NPSR1: variants seen among roughly 807,000 people sequenced by gnomAD.
The protein encoded by NPSR1 is neuropeptide S receptor 1.
A neutral mutation model predicts 46.9 loss-of-function variants in NPSR1; 48 were observed. The observed-to-expected ratio is 1.02, with a 90% confidence interval of 0.81 to 1.30. The LOEUF is 1.30. Among genes scored for constraint, NPSR1 ranks in the 50% most tolerant of loss-of-function variants. The pLI is 0.00. For synonymous variants in NPSR1, 176 were observed against 168.1 expected (o/e 1.05, Z -0.36); for missense variants, 450 against 449.5 (o/e 1.00, Z -0.01).
intron 8 of NPSR1, among the ~76,000 whole-genome samples, chr7:34,857,828 A>T (rs1008260041): frequency 6.6e-6 from 1 of 151,844 alleles, no homozygotes; most frequent in Admixed American, 6.5e-5. Flanking sequence ...GTAATATATA[A>T]AAACTACTGC....
At chr7:34,766,695 C>G (rs1786449107) in intron 2 of NPSR1, among the ~76,000 whole-genome samples, 1 of 152,004 alleles carries the variant, frequency 6.6e-6, no homozygotes, top group African/African-American at 2.4e-5. Flanking sequence ...GCCTCAGCCT[C>G]CCGAGTAGCT....
In NPSR1 at chr7:34,849,554, A is replaced by G. The variant is rs75055707; in HGVS notation, c.1026-11A>G. The G allele has an allele frequency of 1.3e-3, 2,154 of 1,613,914 alleles. 24 individuals carry two copies. In the African/African-American group the frequency reaches 0.025, roughly 19 times the overall value. On this transcript the variant is annotated splice_polypyrimidine_tract_variant and intron_variant, in intron 8 of 8. Transcript: ENST00000360581. ...TTATTTCCCTCCCTGCTTTATTTTG[A>G]CTTTCTCCAGGGAGCAAAGATCACA...
At chr7:34,660,461 T>G (rs1791399095) in intron 1 of NPSR1, among the ~76,000 whole-genome samples, 1 of 152,242 alleles carries the variant, frequency 6.6e-6, no homozygotes, top group South Asian at 2.1e-4. Context: ...CCTTGTTCAC[T>G]GCAATTCATT....
chr7:34,827,360 GT>G, intron 4 of NPSR1, 40 bp from the exon 5 acceptor site: 1 of 1,587,656 alleles, frequency 6.3e-7, no homozygotes, highest in Admixed American at 1.7e-5. Flanking sequence ...CCCAAAAATG[GT>G]TGCCACATAC....
At chr7:34,834,034 TCAGGA>T (rs1385896490) in intron 5 of NPSR1, 1 of 276,450 alleles carries the variant, frequency 3.6e-6, no homozygotes, top group Non-Finnish European at 6.7e-6. Flanking sequence ...CTGTCTAAAG[TCAGGA>T]CTGTACAACA....
intron 2 of NPSR1, among the ~76,000 whole-genome samples, chr7:34,747,296 C>A (rs538074467): frequency 1.3e-5 from 2 of 152,026 alleles, no homozygotes; most frequent in Non-Finnish European, 2.9e-5. Flanking sequence ...GTCCAGAGAG[C>A]GAGTAAGGCA....
At chr7:34,667,755 TC>T (rs926455108) in intron 1 of NPSR1, among the ~76,000 whole-genome samples, 1 of 151,992 alleles carries the variant, frequency 6.6e-6, no homozygotes, top group African/African-American at 2.4e-5. Context: ...GCCTCTCTTT[TC>T]CCAGCCTTAA....
At chr7:34,856,129 A>G (rs1245476528) in intron 8 of NPSR1, among the ~76,000 whole-genome samples, 10 of 152,132 alleles carry the variant, frequency 6.6e-5, no homozygotes, top group Non-Finnish European at 1.5e-4. Context: ...TCTGTTCAAC[A>G]TTGTAAGAAA....
chr7:34,862,256 T>C (rs1282625504), intron 8 of NPSR1, among the ~76,000 whole-genome samples: 1 of 151,598 alleles, frequency 6.6e-6, no homozygotes, highest in South Asian at 2.1e-4. Flanking sequence ...AGTGGGCAGT[T>C]CTTCCTCCAA....
intron 1 of NPSR1, among the ~76,000 whole-genome samples, chr7:34,676,082 G>T (rs2531838): frequency 6.6e-6 from 1 of 152,052 alleles, no homozygotes; most frequent in South Asian, 2.1e-4. Context: ...GACTGGTACC[G>T]AAAATAGGGT....
intron 2 of NPSR1, chr7:34,728,652 A>G (rs956642358): frequency 2.6e-5 from 4 of 152,658 alleles, no homozygotes; most frequent in African/African-American, 9.6e-5. Context: ...TGAAGAAAAT[A>G]ATTTCAGTTA....
chr7:34,703,213 G>T (rs1459466645), intron 2 of NPSR1, among the ~76,000 whole-genome samples: 1 of 152,030 alleles, frequency 6.6e-6, no homozygotes, highest in African/African-American at 2.4e-5. Context: ...CAAAAAATCA[G>T]CCAGGCGTGG....
intron 2 of NPSR1, among the ~76,000 whole-genome samples, chr7:34,706,699 TA>T (rs1794130680): frequency 6.6e-6 from 1 of 152,168 alleles, no homozygotes. Context: ...CCCCAAAATG[TA>T]AAAAGAATGC....
chr7:34,693,432 G>T (rs1793364510), intron 2 of NPSR1, among the ~76,000 whole-genome samples: 1 of 152,078 alleles, frequency 6.6e-6, no homozygotes, highest in Admixed American at 6.5e-5. Flanking sequence ...AACCCCCTAA[G>T]ATTGAACCAG....
At chr7:34,722,162 G>A (rs965112664) in intron 2 of NPSR1, among the ~76,000 whole-genome samples, 35 of 152,124 alleles carry the variant, frequency 2.3e-4, no homozygotes, top group African/African-American at 7.9e-4. Context: ...CTAAATGAGG[G>A]TGTAATTTGC....
chr7:34,723,366 T>G (rs1480595167), intron 2 of NPSR1: 1 of 152,560 alleles, frequency 6.6e-6, no homozygotes, highest in African/African-American at 2.4e-5. Flanking sequence ...AAAGACCTGC[T>G]TCAAAATACC....
In NPSR1 at chr7:34,827,395, G is replaced by A; in HGVS notation, c.479-6G>A. On this transcript the variant is annotated splice_polypyrimidine_tract_variant and splice_region_variant and intron_variant, in intron 4 of 8. Coordinates refer to ENST00000360581, the MANE Select transcript of NPSR1 (RefSeq NM_207172.2). Reference sequence around the variant, plus strand: ...ACCCAGACATTCCTCTCTTTTCTTTGGGCAGAAAAGCAAGCCAGGGTCCTC... The same window carrying A: ...ACCCAGACATTCCTCTCTTTTCTTTAGGCAGAAAAGCAAGCCAGGGTCCTC... The A allele has an allele frequency of 6.2e-7, 1 of 1,613,484 alleles. No individual in the cohort carries two copies. Among genetic ancestry groups the A allele is most frequent in the South Asian group, 1.1e-5 (1 of 91,052 alleles).
At chr7:34,688,597 C>T (rs886484776) in intron 2 of NPSR1, among the ~76,000 whole-genome samples, 3 of 152,172 alleles carry the variant, frequency 2.0e-5, no homozygotes, top group African/African-American at 7.2e-5. Flanking sequence ...TTTAACACAC[C>T]TGCCCCAATG....
intron 2 of NPSR1, among the ~76,000 whole-genome samples, chr7:34,705,387 ACTGCACTC>A (rs1431980486): frequency 6.6e-6 from 1 of 150,482 alleles, no homozygotes; most frequent in Non-Finnish European, 1.5e-5. Context: ...GGATCACGCC[ACTGCACTC>A]CTGCACTCCA....
Sources: gnomAD v4.1 joint callset for allele counts (sites outside exome capture counted in the v4.1 genomes callset) on GRCh38, gnomAD v4.1.1 for gene constraint, MANE v1.5 for transcripts, NCBI Gene and HGNC (gene_info 2026-07-23, HGNC 2026-07-21) for gene names.